KCNJ3: variants seen among roughly 807,000 people sequenced by gnomAD.
KCNJ3 encodes the protein potassium inwardly rectifying channel subfamily J member 3.
In KCNJ3, 4 loss-of-function variants were observed where a neutral mutation model predicts 39.2. That is an observed-to-expected ratio of 0.10 (90% CI 0.05 to 0.23). KCNJ3 has a LOEUF of 0.23. KCNJ3 is among the 10% of genes least tolerant of loss of function. The probability of loss-of-function intolerance (pLI) is 1.00; values close to 1 mark genes in which losing one functional copy is unlikely to be tolerated. For missense variants in KCNJ3, 276 were observed against 634.9 expected, an observed-to-expected ratio of 0.43 and a Z score of 6.08; for synonymous variants, 230 against 237.4, an observed-to-expected ratio of 0.97 and a Z score of 0.29.
chr2:154,726,543 A>G (rs1253612466), intron 2 of KCNJ3, among the ~76,000 whole-genome samples: 1 of 152,092 alleles, frequency 6.6e-6, no homozygotes, highest in African/African-American at 2.4e-5. Context: ...ACTATGGAAA[A>G]CAGTATGGAG....
chr2:154,832,202 G>A (rs920810013), intron 2 of KCNJ3, among the ~76,000 whole-genome samples: 6 of 151,994 alleles, frequency 3.9e-5, no homozygotes, highest in African/African-American at 1.4e-4. Context: ...TCAAATTTCA[G>A]GAAGATATTT....
Position 154,857,297 on chromosome 2 carries a change from C to T in KCNJ3, c.*1984C>T, listed in dbSNP as rs1417666856. The T allele has an allele frequency of 1.3e-5, 2 of 151,966 alleles. No individual in the cohort carries two copies. The highest frequency in any genetic ancestry group is 1.9e-4 in the East Asian group (1 of 5,166). The allele number at this position is 151,966 out of a possible 1,614,324, so 9.4% of individuals were successfully genotyped here. On this transcript the variant is annotated 3_prime_UTR_variant, in exon 3 of 3. Transcript: ENST00000295101. ...AAAAAAGTGCATAGATCATTTAGTC[C>T]AAGAACTTAAAACTAAATAGAGCCA... is the stretch of plus-strand genomic sequence containing the variant.
At chr2:154,828,355 C>A (rs1300750893) in intron 2 of KCNJ3, among the ~76,000 whole-genome samples, 1 of 152,146 alleles carries the variant, frequency 6.6e-6, no homozygotes, top group East Asian at 1.9e-4. Context: ...GTCCTGCCCA[C>A]CTCCCACATG....
intron 2 of KCNJ3, among the ~76,000 whole-genome samples, chr2:154,820,519 C>T (rs1308921124): frequency 6.6e-6 from 1 of 152,062 alleles, no homozygotes; most frequent in Non-Finnish European, 1.5e-5. Context: ...AGGGTGAAGA[C>T]GCTTGAGGCC....
At chr2:154,814,524 C>A (rs548135032) in intron 2 of KCNJ3, among the ~76,000 whole-genome samples, 3 of 152,204 alleles carry the variant, frequency 2.0e-5, no homozygotes, top group Non-Finnish European at 2.9e-5. Context: ...GTAATCCCAG[C>A]TACTCAGGAG....
At chr2:154,768,746 G>A (rs1434611320) in intron 2 of KCNJ3, among the ~76,000 whole-genome samples, 1 of 152,088 alleles carries the variant, frequency 6.6e-6, no homozygotes, top group Non-Finnish European at 1.5e-5. Flanking sequence ...AGCTTGATGG[G>A]GATGGCATTG....
chr2:154,716,283 T>TA (rs2105156645), intron 2 of KCNJ3, among the ~76,000 whole-genome samples: 1 of 143,590 alleles, frequency 7.0e-6, no homozygotes, highest in South Asian at 2.2e-4. Context: ...CTAATTTTTT[T>TA]TTTTTTTTTT....
At position 154,709,479 on chromosome 2, in the gene KCNJ3, T is replaced by C. The variant is rs1685067609; in HGVS notation, c.703-124T>C. 3.1e-6 allele frequency: 3 copies of C among 968,674 alleles called. No homozygotes were observed. The African/African-American group carries it at 4.9e-5, about 16-fold the overall frequency. 60.0% of individuals were successfully genotyped at this position (968,674 alleles called of 1,614,324 possible). On this transcript the variant is annotated intron_variant, in intron 1 of 2. Coordinates refer to ENST00000295101, the MANE Select transcript of KCNJ3 (RefSeq NM_002239.4). ...TAGAACATAGTTGCATAATGATTTG[T>C]TTGGATTTTGTTGCAGATGATTGAT...
At chr2:154,748,864 G>A (rs537709097) in intron 2 of KCNJ3, among the ~76,000 whole-genome samples, 45 of 152,112 alleles carry the variant, frequency 3.0e-4, no homozygotes, top group African/African-American at 9.9e-4. Context: ...CTACTGATAC[G>A]GACATATTAA....
At chr2:154,796,702 GACA>G (rs1686725726) in intron 2 of KCNJ3, among the ~76,000 whole-genome samples, 1 of 151,978 alleles carries the variant, frequency 6.6e-6, no homozygotes, top group Non-Finnish European at 1.5e-5. Context: ...ACCTGATGTT[GACA>G]ACATTTAAAG....
At chr2:154,799,625 A>G (rs1381995280) in intron 2 of KCNJ3, among the ~76,000 whole-genome samples, 6 of 152,058 alleles carry the variant, frequency 3.9e-5, no homozygotes, top group African/African-American at 1.4e-4. Context: ...CTATCTCCAG[A>G]CTTAGCATAC....
intron 2 of KCNJ3, among the ~76,000 whole-genome samples, chr2:154,821,107 C>G (rs1687164936): frequency 6.6e-6 from 1 of 152,158 alleles, no homozygotes; most frequent in Non-Finnish European, 1.5e-5. Context: ...CTTATCAGTA[C>G]TAGCCCAGTC....
chr2:154,837,690 A>C (rs1407759720), intron 2 of KCNJ3, among the ~76,000 whole-genome samples: 2 of 152,168 alleles, frequency 1.3e-5, no homozygotes, highest in Admixed American at 1.3e-4. Flanking sequence ...GAGATGGATA[A>C]GGTATATAAG....
intron 2 of KCNJ3, among the ~76,000 whole-genome samples, chr2:154,815,575 G>T (rs1399042574): frequency 2.0e-5 from 3 of 152,176 alleles, no homozygotes; most frequent in Non-Finnish European, 4.4e-5. Flanking sequence ...AATTAACCCA[G>T]TATAGAACTT....
chr2:154,821,503 T>G (rs958280498), intron 2 of KCNJ3, among the ~76,000 whole-genome samples: 3 of 152,156 alleles, frequency 2.0e-5, no homozygotes, highest in Non-Finnish European at 2.9e-5. Flanking sequence ...TGAAACAAGA[T>G]TCCATTAGTG....
At chr2:154,766,925 G>A (rs1303216440) in intron 2 of KCNJ3, among the ~76,000 whole-genome samples, 1 of 151,968 alleles carries the variant, frequency 6.6e-6, no homozygotes, top group East Asian at 1.9e-4. Context: ...GTAGATGTTA[G>A]ACTTTATCAC....
At chr2:154,740,738 A>G (rs1053765447) in intron 2 of KCNJ3, among the ~76,000 whole-genome samples, 1 of 151,994 alleles carries the variant, frequency 6.6e-6, no homozygotes, top group Non-Finnish European at 1.5e-5. Context: ...AAAAATGACA[A>G]TTCTTGCATA....
At chr2:154,835,440 C>CATGAATATGAATATATAAT (rs1687440393) in intron 2 of KCNJ3, among the ~76,000 whole-genome samples, 1 of 49,182 alleles carries the variant, frequency 2.0e-5, no homozygotes, top group South Asian at 1.3e-3. Context: ...ATATAATATT[C>CATGAATATGAATATATAAT]ATGAATATGA....
chr2:154,720,189 G>C (rs1396784678), intron 2 of KCNJ3, among the ~76,000 whole-genome samples: 2 of 152,076 alleles, frequency 1.3e-5, no homozygotes, highest in Non-Finnish European at 2.9e-5. Flanking sequence ...GGACAGGGTA[G>C]GGAGGGAAGG....
Sources: allele counts gnomAD v4.1 joint callset (sites outside exome capture counted in the v4.1 genomes callset), GRCh38; gene constraint gnomAD v4.1.1; transcripts MANE v1.5; gene names NCBI Gene and HGNC (gene_info 2026-07-23, HGNC 2026-07-21).